SPRED2: variants seen among roughly 807,000 people sequenced by gnomAD.
The protein encoded by SPRED2 is sprouty-related, EVH1 domain-containing protein 2.
In SPRED2, 47 loss-of-function variants were observed where a neutral mutation model predicts 43.0. The ratio of observed to expected loss-of-function variants is 1.09; its 90% CI spans 0.87 to 1.40. SPRED2 has a LOEUF of 1.40. Among genes scored for constraint, SPRED2 ranks in the 40% most tolerant of loss-of-function variants. The pLI is 0.00. For synonymous variants in SPRED2, 225 were observed against 225.7 expected, an observed-to-expected ratio of 1.00 and a Z score of 0.03; for missense variants, 561 against 586.4, an observed-to-expected ratio of 0.96 and a Z score of 0.45.
At chr2:65,411,265 A>T (rs189785129) in intron 1 of SPRED2, among the ~76,000 whole-genome samples, 1 of 152,368 alleles carries the variant, frequency 6.6e-6, no homozygotes, top group African/African-American at 2.4e-5. Context: ...ATTCAACAGC[A>T]GGCTCTGATA....
At chr2:65,381,748 C>T (rs1032530442) in intron 1 of SPRED2, among the ~76,000 whole-genome samples, 3 of 152,276 alleles carry the variant, frequency 2.0e-5, no homozygotes, top group Non-Finnish European at 2.9e-5. Flanking sequence ...GAGATCTCAC[C>T]GTGTAATATC....
At chr2:65,375,367 T>G (rs1428513780) in intron 1 of SPRED2, among the ~76,000 whole-genome samples, 1 of 152,208 alleles carries the variant, frequency 6.6e-6, no homozygotes, top group Non-Finnish European at 1.5e-5. Context: ...TATAGCCCTA[T>G]TCAAAAGGGA....
chr2:65,316,177 A>G (rs1048109933), intron 5 of SPRED2, among the ~76,000 whole-genome samples: 4 of 152,212 alleles, frequency 2.6e-5, no homozygotes, highest in African/African-American at 9.6e-5. Flanking sequence ...TGCTCTGCAA[A>G]GCAGCCACTT....
chr2:65,424,180 G>T lies in SPRED2; in HGVS notation c.26+7782C>A, dbSNP rs569439278. Among the ~76,000 whole-genome samples the T allele has an allele frequency of 2.0e-5, 3 of 152,150 alleles. No individual in the cohort carries two copies. In the South Asian group the frequency reaches 6.2e-4, roughly 32 times the overall value. ...CTGGTGGCTTGGGATACTTAGCAGG[G>T]TCCCTTAGTGGCAGGGGAAGAGGTA... On this transcript the variant is annotated intron_variant, in intron 1 of 5. Coordinates refer to ENST00000356388, the MANE Select transcript of SPRED2 (RefSeq NM_181784.3).
chr2:65,385,700 C>G (rs571840246), intron 1 of SPRED2, among the ~76,000 whole-genome samples: 110 of 152,232 alleles, frequency 7.2e-4, no homozygotes, highest in Non-Finnish European at 1.2e-3. Flanking sequence ...GATTTTCATA[C>G]CTAGAAACTT....
chr2:65,337,111 A>G (rs1342634929), intron 2 of SPRED2, among the ~76,000 whole-genome samples: 1 of 152,204 alleles, frequency 6.6e-6, no homozygotes, highest in East Asian at 1.9e-4. Flanking sequence ...CTGTCTCAAA[A>G]AAAAAATAAA....
In SPRED2 at chr2:65,385,777, TC is replaced by T. The variant is rs149286977; in HGVS notation, c.27-40882del. Among the ~76,000 whole-genome samples the T allele has an allele frequency of 2.7e-3, 417 of 152,310 alleles. 3 individuals carry two copies. Among genetic ancestry groups the T allele is most frequent in the African/African-American group, 9.2e-3 (381 of 41,572 alleles). ...GGAAAATGCTTATGGGCTCTTGAGT[TC>T]CTTTAGAGCAAAGCGGCAGAAGAGA... is the stretch of plus-strand genomic sequence containing the variant. On this transcript the variant is annotated intron_variant, in intron 1 of 5. Coordinates refer to ENST00000356388, the MANE Select transcript of SPRED2 (RefSeq NM_181784.3).
chr2:65,326,163 C>T (rs1673607372), intron 4 of SPRED2, among the ~76,000 whole-genome samples: 1 of 152,140 alleles, frequency 6.6e-6, no homozygotes, highest in Non-Finnish European at 1.5e-5. Context: ...GTAACTAAGG[C>T]AATATTCTTC....
chr2:65,322,804 G>A (rs1673470358), intron 4 of SPRED2, among the ~76,000 whole-genome samples: 2 of 152,094 alleles, frequency 1.3e-5, no homozygotes, highest in African/African-American at 4.8e-5. Context: ...ATTCTAGATT[G>A]CTAAGGATTT....
chr2:65,330,608 A>T (rs887587642), intron 4 of SPRED2, among the ~76,000 whole-genome samples: 1 of 152,210 alleles, frequency 6.6e-6, no homozygotes, highest in Non-Finnish European at 1.5e-5. Flanking sequence ...ACAATCGATG[A>T]AGTACACTGA....
chr2:65,386,760 T>C (rs973606036), intron 1 of SPRED2, among the ~76,000 whole-genome samples: 3 of 152,238 alleles, frequency 2.0e-5, no homozygotes, highest in Non-Finnish European at 4.4e-5. Flanking sequence ...TTCAGAGCAC[T>C]CTGTGTTTCA....
intron 2 of SPRED2, among the ~76,000 whole-genome samples, chr2:65,338,194 C>CTTTCCA (rs1674030063): frequency 8.2e-6 from 1 of 122,478 alleles, no homozygotes; most frequent in Non-Finnish European, 1.8e-5. Flanking sequence ...TCTCCCTCTC[C>CTTTCCA]CGTCTCCCTC....
chr2:65,369,268 TAC>T (rs893658963), intron 1 of SPRED2, among the ~76,000 whole-genome samples: 5 of 83,166 alleles, frequency 6.0e-5, no homozygotes, highest in Non-Finnish European at 9.2e-5. Context: ...TACATACACA[TAC>T]ACACACACAC....
intron 1 of SPRED2, among the ~76,000 whole-genome samples, chr2:65,408,239 A>G (rs1212609346): frequency 6.6e-6 from 1 of 152,244 alleles, no homozygotes; most frequent in East Asian, 1.9e-4. Context: ...CACCTCAAAC[A>G]TGTCAGACAC....
At chr2:65,379,666 C>A (rs1675326306) in intron 1 of SPRED2, among the ~76,000 whole-genome samples, 1 of 152,104 alleles carries the variant, frequency 6.6e-6, no homozygotes, top group Admixed American at 6.5e-5. Flanking sequence ...CGTAATGAGG[C>A]TCATGAAACC....
intron 1 of SPRED2, among the ~76,000 whole-genome samples, chr2:65,424,687 A>C (rs943391401): frequency 6.6e-6 from 1 of 152,216 alleles, no homozygotes; most frequent in Admixed American, 6.5e-5. Context: ...CAGGTGGCTC[A>C]TGCCTATAAT....
chr2:65,358,776 C>T (rs1232695287), intron 1 of SPRED2, among the ~76,000 whole-genome samples: 7 of 152,204 alleles, frequency 4.6e-5, no homozygotes, highest in Admixed American at 3.9e-4. Flanking sequence ...CACGAAAGCC[C>T]AATCAACGTG....
chr2:65,384,014 C>A (rs1332833173), intron 1 of SPRED2, among the ~76,000 whole-genome samples: 1 of 152,218 alleles, frequency 6.6e-6, no homozygotes, highest in Non-Finnish European at 1.5e-5. Context: ...TGGAAAGAGC[C>A]TTGCCCCACT....
intron 1 of SPRED2, chr2:65,373,748 T>C (rs1287626452): frequency 6.6e-6 from 1 of 152,220 alleles, no homozygotes; most frequent in African/African-American, 2.4e-5. Context: ...ATTTTTCCTT[T>C]TGTAGCTCTG....
Sources: allele counts gnomAD v4.1 joint callset (sites outside exome capture counted in the v4.1 genomes callset), GRCh38; gene constraint gnomAD v4.1.1; transcripts MANE v1.5; gene names NCBI Gene and HGNC (gene_info 2026-07-23, HGNC 2026-07-21).